The following PABPC4L variants were observed in gnomAD, a reference collection of about 807,000 sequenced individuals.
The protein encoded by PABPC4L is poly(A) binding protein cytoplasmic 4 like.
For synonymous variants in PABPC4L, 169 were observed against 164.1 expected (o/e 1.03, Z -0.23); for missense variants, 452 against 451.4 (o/e 1.00, Z -0.01).
the PABPC4L span, among the ~76,000 whole-genome samples, chr4:134,081,766 C>CTTAG: frequency 2.0e-5 from 3 of 152,018 alleles, no homozygotes; most frequent in East Asian, 5.8e-4. Context: ...CAAAAAAACA[C>CTTAG]AAATAAACTT....
At chr4:134,145,315 C>T in the PABPC4L span, among the ~76,000 whole-genome samples, 5 of 151,694 alleles carry the variant, frequency 3.3e-5, no homozygotes, top group Admixed American at 2.6e-4. Context: ...GACTTTACTC[C>T]TATTTGGAAA....
the PABPC4L span, among the ~76,000 whole-genome samples, chr4:134,051,105 A>T: frequency 6.6e-6 from 1 of 152,182 alleles, no homozygotes; most frequent in Admixed American, 6.6e-5. Context: ...TAAAAAGTTG[A>T]TAACAACATG....
the PABPC4L span, among the ~76,000 whole-genome samples, chr4:134,179,639 C>A: frequency 1.3e-5 from 2 of 151,974 alleles, no homozygotes; most frequent in Non-Finnish European, 2.9e-5. Context: ...CCTTCAGTAG[C>A]ACCATCTCAC....
At chr4:134,053,961 C>T in the PABPC4L span, among the ~76,000 whole-genome samples, 1 of 151,632 alleles carries the variant, frequency 6.6e-6, no homozygotes, top group African/African-American at 2.4e-5. Flanking sequence ...GAACCTTAAA[C>T]ACAAAATCCC....
At chr4:134,058,749 A>G in the PABPC4L span, among the ~76,000 whole-genome samples, 1 of 152,118 alleles carries the variant, frequency 6.6e-6, no homozygotes, top group Non-Finnish European at 1.5e-5. Flanking sequence ...AAATATATTG[A>G]GAAATATCTT....
the PABPC4L span, among the ~76,000 whole-genome samples, chr4:134,007,639 T>A: frequency 4.6e-5 from 7 of 151,676 alleles, no homozygotes; most frequent in Non-Finnish European, 8.9e-5. Flanking sequence ...AGTAAAATAA[T>A]CTGAGCCCAT....
chr4:134,187,521 C>T, the PABPC4L span, among the ~76,000 whole-genome samples: 2 of 120,796 alleles, frequency 1.7e-5, no homozygotes, highest in East Asian at 2.4e-4. Flanking sequence ...GGGTGGGGAA[C>T]ATCAGACACC....
At chr4:133,998,476 C>T in the PABPC4L span, among the ~76,000 whole-genome samples, 2 of 151,954 alleles carry the variant, frequency 1.3e-5, no homozygotes, top group African/African-American at 4.8e-5. Context: ...AAATAAAAAT[C>T]TCTCACAAAA....
the PABPC4L span, among the ~76,000 whole-genome samples, chr4:134,025,877 T>C: frequency 3.0e-4 from 45 of 152,230 alleles, no homozygotes; most frequent in African/African-American, 1.0e-3. Flanking sequence ...ATAATTTTTT[T>C]ACCAGCATTT....
chr4:134,126,643 G>C, the PABPC4L span, among the ~76,000 whole-genome samples: 1 of 151,552 alleles, frequency 6.6e-6, no homozygotes, highest in Non-Finnish European at 1.5e-5. Flanking sequence ...CTTCCAAATT[G>C]TAATTTTTTA....
chr4:133,951,285 A>C, the PABPC4L span, among the ~76,000 whole-genome samples: 1 of 152,100 alleles, frequency 6.6e-6, no homozygotes, highest in South Asian at 2.1e-4. Flanking sequence ...ATGCCTCTTT[A>C]TTCTTCTCTC....
At chr4:134,010,950 A>G in the PABPC4L span, among the ~76,000 whole-genome samples, 1 of 152,294 alleles carries the variant, frequency 6.6e-6, no homozygotes, top group East Asian at 1.9e-4. Flanking sequence ...GCAAGTTTGA[A>G]GAATAGAATA....
chr4:134,046,075 T>C, the PABPC4L span, among the ~76,000 whole-genome samples: 2 of 151,952 alleles, frequency 1.3e-5, no homozygotes, highest in Non-Finnish European at 2.9e-5. Context: ...AGAGACAAAG[T>C]ATAGAGAAAG....
chr4:134,117,276 AG>A, the PABPC4L span, among the ~76,000 whole-genome samples: 1 of 151,806 alleles, frequency 6.6e-6, no homozygotes, highest in Non-Finnish European at 1.5e-5. Flanking sequence ...AAGCTAACAG[AG>A]AAAAAGTAAT....
the PABPC4L span, among the ~76,000 whole-genome samples, chr4:134,135,519 G>GA: frequency 2.0e-5 from 3 of 151,800 alleles, no homozygotes; most frequent in African/African-American, 7.3e-5. Context: ...ACTAATTTTT[G>GA]AAAAAAATTT....
the PABPC4L span, among the ~76,000 whole-genome samples, chr4:134,000,153 T>C: frequency 5.3e-5 from 8 of 152,124 alleles, no homozygotes; most frequent in African/African-American, 1.9e-4. Context: ...AATGAATAAC[T>C]TCATTTTCTT....
the PABPC4L span, among the ~76,000 whole-genome samples, chr4:134,168,744 T>C: frequency 6.6e-6 from 1 of 151,834 alleles, no homozygotes; most frequent in Non-Finnish European, 1.5e-5. Context: ...CTGAATAGAC[T>C]GATAACAAAC....
the PABPC4L span, among the ~76,000 whole-genome samples, chr4:133,991,383 G>T: frequency 6.6e-6 from 1 of 152,152 alleles, no homozygotes; most frequent in African/African-American, 2.4e-5. Flanking sequence ...TGATTCCAAG[G>T]TTGAGAGGTG....
the PABPC4L span, among the ~76,000 whole-genome samples, chr4:134,155,086 G>T: frequency 6.6e-6 from 1 of 151,972 alleles, no homozygotes; most frequent in East Asian, 1.9e-4. Context: ...GGCACAAATG[G>T]TATTGCCAGA....
Sources: allele counts gnomAD v4.1 joint callset (sites outside exome capture counted in the v4.1 genomes callset), GRCh38; gene constraint gnomAD v4.1.1; transcripts MANE v1.5; gene names NCBI Gene and HGNC (gene_info 2026-07-23, HGNC 2026-07-21).